The following HDAC9 variants were observed in gnomAD, a reference collection of about 807,000 sequenced individuals.
The protein encoded by HDAC9 is MEF-2 interacting transcription repressor (MITR) protein.
Under a neutral mutation model 139.4 loss-of-function variants are expected in HDAC9, and 41 were observed. The observed-to-expected ratio is 0.29, with a 90% CI of 0.23 to 0.38. HDAC9 has a LOEUF of 0.38. Among genes scored for constraint, HDAC9 ranks in the 10% least tolerant of loss-of-function variants. The pLI is 1.00. For missense variants in HDAC9, 1,147 were observed against 1,297.0 expected (o/e 0.88, Z 1.78); for synonymous variants, 517 against 476.2 (o/e 1.09, Z -1.12).
chr7:18,646,826 T>G (rs937216371), intron 9 of HDAC9, among the ~76,000 whole-genome samples: 1 of 152,184 alleles, frequency 6.6e-6, no homozygotes, highest in African/African-American at 2.4e-5. Context: ...ATAATTATTA[T>G]TGCCTTATTA....
intron 1 of HDAC9, among the ~76,000 whole-genome samples, chr7:18,324,113 G>A (rs1800252777): frequency 6.6e-6 from 1 of 151,900 alleles, no homozygotes; most frequent in Admixed American, 6.6e-5. Flanking sequence ...ACATATGAAT[G>A]CTGGGGGCAC....
Position 18,390,150 on chromosome 7 carries a change from T to G in HDAC9, c.-42+99635T>G, listed in dbSNP as rs1476487529. Among the ~76,000 whole-genome samples, 4 of 151,722 alleles carry G rather than the reference T, an allele frequency of 2.6e-5. No homozygotes were observed. The East Asian group carries it at 7.8e-4, about 29-fold the overall frequency. Reference sequence around the variant, plus strand: ...AGGCAAGGGGTGAGAACTGAACATTTATTTGTTCAAAGGTTTGACCGTGAT... The same window carrying G: ...AGGCAAGGGGTGAGAACTGAACATTGATTTGTTCAAAGGTTTGACCGTGAT... On this transcript the variant is annotated intron_variant, in intron 1 of 3. Transcript: ENST00000413509.
intron 1 of HDAC9, among the ~76,000 whole-genome samples, chr7:18,423,779 G>C (rs770499871): frequency 6.6e-6 from 1 of 152,194 alleles, no homozygotes; most frequent in Non-Finnish European, 1.5e-5. Flanking sequence ...GGCTAGATCT[G>C]TTTAAAGGCT....
At chr7:18,746,961 G>A (rs865818008) in intron 13 of HDAC9, among the ~76,000 whole-genome samples, 1 of 152,144 alleles carries the variant, frequency 6.6e-6, no homozygotes, top group Non-Finnish European at 1.5e-5. Flanking sequence ...TAGAGGAGGT[G>A]ACATTAAAAA....
rs1181803919 is a variant in HDAC9, at chr7:18,733,712, TG to T, written c.1909+5960del. On this transcript the variant is annotated intron_variant, in intron 13 of 25. Transcript: ENST00000686413. ...ACATACACACACATATATATTTTTTTGGGGGTATGCTTTTTATACCTAAGAA... is the reference window on the plus strand; with the variant it reads ...ACATACACACACATATATATTTTTTTGGGGTATGCTTTTTATACCTAAGAA... Among the ~76,000 whole-genome samples, 8 of 152,070 alleles carry T rather than the reference TG, an allele frequency of 5.3e-5. No individual in the cohort carries two copies. In the East Asian group the frequency reaches 1.4e-3, roughly 26 times the overall value.
At position 18,458,984 on chromosome 7, in the gene HDAC9, T is replaced by TTTTTGATTTTTTTGACCAATA. The variant is rs1793599278; in HGVS notation, c.-41-37278_-41-37277insTTTTGATTTTTTTGACCAATA. The TTTTTGATTTTTTTGACCAATA allele has an allele frequency of 3.9e-6, 4 of 1,019,328 alleles. No individual in the cohort carries two copies. The Admixed American group carries it at 8.0e-5, about 20-fold the overall frequency. The allele number at this position is 1,019,328 out of a possible 1,614,324, so 63.1% of individuals were successfully genotyped here. ...TGGGTGACTTCCTTTTCCAGGCTAT[T>TTTTTGATTTTTTTGACCAATA]GGTCAAAGCTGCGGTCAGCAACAAC... On this transcript the variant is annotated intron_variant, in intron 1 of 3. Transcript: ENST00000413509.
chr7:18,260,317 T>G (rs1285763067), intron 2 of HDAC9, among the ~76,000 whole-genome samples: 28 of 133,206 alleles, frequency 2.1e-4, no homozygotes, highest in Admixed American at 7.9e-4. Flanking sequence ...TTTTGTTTTT[T>G]TTTTTGTTTT....
chr7:18,262,852 A>G (rs1035302655), intron 2 of HDAC9, among the ~76,000 whole-genome samples: 1 of 152,178 alleles, frequency 6.6e-6, no homozygotes, highest in Non-Finnish European at 1.5e-5. Flanking sequence ...GAAAACAACT[A>G]AAATGCATAC....
intron 2 of HDAC9, among the ~76,000 whole-genome samples, chr7:18,185,789 C>A (rs147558067): frequency 2.0e-3 from 308 of 152,234 alleles, no homozygotes; most frequent in African/African-American, 7.2e-3. Flanking sequence ...GTAAATGGGA[C>A]ACTTGCAGTC....
intron 1 of HDAC9, among the ~76,000 whole-genome samples, chr7:18,139,121 CTTTT>C (rs552350047): frequency 0.19 from 20,405 of 105,758 alleles, 1,473 homozygotes; most frequent in African/African-American, 0.35. Flanking sequence ...ATAATCTGGA[CTTTT>C]TTTTTTTTTT....
At chr7:18,670,485 G>A (rs1309203703) in intron 12 of HDAC9, among the ~76,000 whole-genome samples, 1 of 152,082 alleles carries the variant, frequency 6.6e-6, no homozygotes. Flanking sequence ...AGAAAAAGAT[G>A]TTTACTTTTA....
rs772707247 is a variant in HDAC9 at position 18,749,175 on chromosome 7, A to G, written c.2043+37A>G. On this transcript the variant is annotated intron_variant, in intron 14 of 25. Transcript: ENST00000686413. Reference sequence around the variant, plus strand: ...TTGGACACACTCTTTTACTTACTTAAATAAATCATGTAAAGAGGCCAGTAT... The same window carrying G: ...TTGGACACACTCTTTTACTTACTTAGATAAATCATGTAAAGAGGCCAGTAT... 5.0e-5 allele frequency: 81 copies of G among 1,604,672 alleles called. No homozygotes were observed. In the Admixed American group the frequency reaches 1.4e-3, roughly 27 times the overall value.
At chr7:18,183,298 G>T (rs146228890) in intron 2 of HDAC9, among the ~76,000 whole-genome samples, 2 of 152,018 alleles carry the variant, frequency 1.3e-5, no homozygotes, top group African/African-American at 2.4e-5. Flanking sequence ...CGTGAGCCAC[G>T]GCGCCCAGCC....
intron 21 of HDAC9, among the ~76,000 whole-genome samples, chr7:18,863,453 T>C (rs575567235): frequency 6.6e-6 from 1 of 152,324 alleles, no homozygotes; most frequent in African/African-American, 2.4e-5. Context: ...TTGGATTTTA[T>C]TTTTTAGTTC....
At chr7:18,533,211 A>C (rs1809639601) in intron 2 of HDAC9, among the ~76,000 whole-genome samples, 4 of 152,174 alleles carry the variant, frequency 2.6e-5, no homozygotes, top group Non-Finnish European at 1.5e-5. Context: ...TTAAAAATAA[A>C]TATTTTCCAC....
At chr7:18,672,802 T>C (rs1476443419) in intron 12 of HDAC9, among the ~76,000 whole-genome samples, 1 of 152,068 alleles carries the variant, frequency 6.6e-6, no homozygotes, top group Non-Finnish European at 1.5e-5. Context: ...ATTATTGGAC[T>C]TCATTTTCTC....
chr7:18,970,859 G>C (rs1439545979), intron 24 of HDAC9, among the ~76,000 whole-genome samples: 1 of 152,110 alleles, frequency 6.6e-6, no homozygotes, highest in Admixed American at 6.6e-5. Context: ...GCTCCAAAAT[G>C]ATGATGGAAT....
intron 24 of HDAC9, among the ~76,000 whole-genome samples, chr7:18,968,593 C>A (rs1342314148): frequency 1.3e-5 from 2 of 152,070 alleles, no homozygotes; most frequent in Non-Finnish European, 2.9e-5. Context: ...TTCCAGGCTG[C>A]AGCATAGAGA....
At chr7:18,908,251 TAA>T (rs1802444905) in intron 22 of HDAC9, among the ~76,000 whole-genome samples, 3 of 152,246 alleles carry the variant, frequency 2.0e-5, no homozygotes, top group African/African-American at 7.2e-5. Flanking sequence ...AAAAAAATTT[TAA>T]TTGACACATA....
Sources: allele counts gnomAD v4.1 joint callset (sites outside exome capture counted in the v4.1 genomes callset), GRCh38; gene constraint gnomAD v4.1.1; transcripts MANE v1.5; gene names NCBI Gene and HGNC (gene_info 2026-07-23, HGNC 2026-07-21).